Variants in PDE4D observed in about 807,000 individuals in gnomAD.
PDE4D encodes the protein phosphodiesterase 4D.
A neutral mutation model predicts 87.4 loss-of-function variants in PDE4D; 24 were observed. That is an observed-to-expected ratio of 0.27 (90% CI 0.20 to 0.39). The LOEUF (loss-of-function observed/expected upper bound fraction) is 0.39, where lower values mean the gene tolerates loss of function less well. Ranked by LOEUF, PDE4D falls within the 10% of genes least tolerant of loss-of-function variation. The pLI is 1.00. For synonymous variants in PDE4D, 384 were observed against 383.2 expected, an observed-to-expected ratio of 1.00 and a Z score of -0.02; for missense variants, 714 against 1,041.0, an observed-to-expected ratio of 0.69 and a Z score of 4.32.
intron 2 of PDE4D, among the ~76,000 whole-genome samples, chr5:60,172,178 A>G (rs1303682897): frequency 6.7e-6 from 1 of 148,752 alleles, no homozygotes; most frequent in African/African-American, 2.5e-5. Context: ...TGAGGTCCTC[A>G]ATAAATTTTG....
At chr5:58,992,493 G>A (rs143703261) in intron 7 of PDE4D, among the ~76,000 whole-genome samples, 1 of 152,124 alleles carries the variant, frequency 6.6e-6, no homozygotes, top group East Asian at 1.9e-4. Context: ...ACTGAAATGG[G>A]TAACACTGTG....
At chr5:59,045,399 C>T (rs1760444203) in intron 5 of PDE4D, among the ~76,000 whole-genome samples, 1 of 151,836 alleles carries the variant, frequency 6.6e-6, no homozygotes, top group South Asian at 2.1e-4. Flanking sequence ...ACTAAAAATA[C>T]AAAATTAGTC....
At chr5:60,489,807 C>T (rs1308726389), upstream of PDE4D, 1 of 152,248 alleles carries the variant, frequency 6.6e-6, no homozygotes, top group East Asian at 1.9e-4. Flanking sequence ...AACACAGACT[C>T]CCTGCTTCTC....
At chr5:60,277,513 C>T (rs1583286384) in intron 1 of PDE4D, among the ~76,000 whole-genome samples, 1 of 152,100 alleles carries the variant, frequency 6.6e-6, no homozygotes, top group Non-Finnish European at 1.5e-5. Flanking sequence ...TAGCATAATG[C>T]AGTTATATAG....
chr5:60,101,701 C>T (rs1450335963), intron 2 of PDE4D, among the ~76,000 whole-genome samples: 1 of 152,114 alleles, frequency 6.6e-6, no homozygotes, highest in East Asian at 1.9e-4. Flanking sequence ...GAGCTGAATT[C>T]TGAATCATTT....
chr5:59,660,037 T>A (rs1223136628), intron 1 of PDE4D, among the ~76,000 whole-genome samples: 2 of 151,790 alleles, frequency 1.3e-5, no homozygotes, highest in African/African-American at 4.8e-5. Flanking sequence ...ATGCAAAAAT[T>A]AGTCAAGTGT....
At chr5:59,841,453 A>T (rs1742981754) in intron 1 of PDE4D, among the ~76,000 whole-genome samples, 1 of 152,084 alleles carries the variant, frequency 6.6e-6, no homozygotes, top group Non-Finnish European at 1.5e-5. Context: ...CAAAGTTTAG[A>T]TTAATTTTAT....
chr5:60,458,582 G>T (rs1271807009), intron 1 of PDE4D, among the ~76,000 whole-genome samples: 1 of 152,104 alleles, frequency 6.6e-6, no homozygotes, highest in Admixed American at 6.6e-5. Context: ...GGGCTTGATA[G>T]AAGAGAATTA....
chr5:60,076,166 T>G (rs965449109), intron 2 of PDE4D, among the ~76,000 whole-genome samples: 1 of 133,388 alleles, frequency 7.5e-6, no homozygotes, highest in African/African-American at 2.6e-5. Context: ...TTTTTCGAAT[T>G]TTTTTTTTTT....
At position 59,401,106 on chromosome 5, in the gene PDE4D, TA is replaced by T. The variant is rs140640760; in HGVS notation, c.456-185139del. On this transcript the variant is annotated intron_variant, in intron 1 of 14. Coordinates refer to ENST00000340635, the MANE Select transcript of PDE4D (RefSeq NM_001104631.2). The stretch of plus-strand genomic sequence containing the variant: ...AATTATTTAAAATATTGTGTAAAAT[TA>T]CCTTCAGGCTATGTGCACATGGTAT... Among the ~76,000 whole-genome samples, 1,322 of 152,320 alleles carry T rather than the reference TA, an allele frequency of 8.7e-3. 23 individuals carry two copies. The highest frequency in any genetic ancestry group is 0.03 in the African/African-American group (1,264 of 41,566).
At chr5:59,022,897 C>T (rs576523639) in intron 6 of PDE4D, among the ~76,000 whole-genome samples, 73 of 152,296 alleles carry the variant, frequency 4.8e-4, no homozygotes, top group African/African-American at 1.7e-3. Context: ...AACCAGAGGT[C>T]GGGCACAGTG....
chr5:59,260,881 C>A (rs1287166143), intron 1 of PDE4D, among the ~76,000 whole-genome samples: 2 of 150,970 alleles, frequency 1.3e-5, no homozygotes, highest in African/African-American at 4.9e-5. Context: ...ACAGTTTTTC[C>A]CGATTACTGG....
intron 1 of PDE4D, among the ~76,000 whole-genome samples, chr5:60,259,225 G>C (rs1316586634): frequency 6.6e-6 from 1 of 151,916 alleles, no homozygotes; most frequent in Admixed American, 6.6e-5. Flanking sequence ...AAGCTTATAA[G>C]AAATACAACA....
intron 1 of PDE4D, among the ~76,000 whole-genome samples, chr5:60,400,244 T>A (rs890940759): frequency 6.6e-6 from 1 of 152,202 alleles, no homozygotes; most frequent in African/African-American, 2.4e-5. Flanking sequence ...TTCTGCTATA[T>A]TGAAATATAA....
intron 2 of PDE4D, among the ~76,000 whole-genome samples, chr5:60,015,636 T>C (rs1876671): frequency 0.15 from 23,147 of 152,084 alleles, 1,805 homozygotes; most frequent in Middle Eastern, 0.23. Context: ...CGTGAAACTA[T>C]TTTTTAGATG....
intron 1 of PDE4D, among the ~76,000 whole-genome samples, chr5:59,556,371 C>T (rs899005492): frequency 3.0e-4 from 45 of 152,110 alleles, no homozygotes; most frequent in Non-Finnish European, 1.5e-4. Flanking sequence ...ACTTATTCAG[C>T]ACAGCAACCC....
chr5:59,078,275 C>T (rs73093330), intron 5 of PDE4D, among the ~76,000 whole-genome samples: 410 of 152,164 alleles, frequency 2.7e-3, no homozygotes, highest in African/African-American at 9.4e-3. Context: ...TAGATTTATA[C>T]GTACTAAAAT....
chr5:59,148,824 T>C (rs200520354), intron 5 of PDE4D, among the ~76,000 whole-genome samples: 2 of 151,140 alleles, frequency 1.3e-5, no homozygotes, highest in Non-Finnish European at 2.9e-5. Flanking sequence ...TTTTAAAAAA[T>C]TGATTCTGTT....
intron 3 of PDE4D, among the ~76,000 whole-genome samples, chr5:59,902,560 G>T (rs1313721606): frequency 5.3e-5 from 8 of 152,088 alleles, no homozygotes; most frequent in African/African-American, 1.9e-4. Flanking sequence ...GAAGGAAGGA[G>T]CCCACAGGTA....
Sources: gnomAD v4.1 joint callset for allele counts (sites outside exome capture counted in the v4.1 genomes callset) on GRCh38, gnomAD v4.1.1 for gene constraint, MANE v1.5 for transcripts, NCBI Gene and HGNC (gene_info 2026-07-23, HGNC 2026-07-21) for gene names.